The following OPRM1 variants were observed in gnomAD, a reference collection of about 807,000 sequenced individuals.
OPRM1 encodes the protein opioid receptor mu 1.
OPRM1 carries 27 observed loss-of-function variants against 31.8 expected under a neutral mutation model. That is an observed-to-expected ratio of 0.85 (90% CI 0.63 to 1.17). The LOEUF is 1.17. OPRM1 is among the 50% of genes most tolerant of loss of function. The pLI is 0.00. For synonymous variants in OPRM1, 196 were observed against 189.9 expected (o/e 1.03, Z -0.26); for missense variants, 536 against 511.1 (o/e 1.05, Z -0.47).
At chr6:154,091,689 G>A (rs1462568596) in intron 3 of OPRM1, 2 of 1,310,536 alleles carry the variant, frequency 1.5e-6, no homozygotes, top group African/African-American at 1.5e-5. Flanking sequence ...ATACACCAAT[G>A]AGAAATCCAT....
intron 1 of OPRM1, among the ~76,000 whole-genome samples, chr6:154,076,304 A>C (rs1787876358): frequency 6.6e-6 from 1 of 152,236 alleles, no homozygotes; most frequent in Admixed American, 6.5e-5. Context: ...AAACACTATG[A>C]ATAAAGTTAA....
At chr6:154,088,012 T>A (rs548921193) in intron 1 of OPRM1, among the ~76,000 whole-genome samples, 3 of 152,052 alleles carry the variant, frequency 2.0e-5, no homozygotes, top group Admixed American at 6.6e-5. Flanking sequence ...GACTTGCACA[T>A]GAATGTTCGT....
upstream of OPRM1, among the ~76,000 whole-genome samples, chr6:154,038,867 T>C (rs1420180263): frequency 6.6e-6 from 1 of 152,142 alleles, no homozygotes; most frequent in Non-Finnish European, 1.5e-5. Flanking sequence ...GGGAAGAAAA[T>C]TGGAGAAACA....
At chr6:154,134,975 C>G (rs570127966), downstream of OPRM1, among the ~76,000 whole-genome samples, 1 of 152,108 alleles carries the variant, frequency 6.6e-6, no homozygotes, top group Non-Finnish European at 1.5e-5. Context: ...TCATACCCAC[C>G]CATCATCTAT....
chr6:154,165,642 G>A (rs189073921), intron 3 of OPRM1, among the ~76,000 whole-genome samples: 1 of 152,240 alleles, frequency 6.6e-6, no homozygotes, highest in Non-Finnish European at 1.5e-5. Context: ...AGGCAGCCCT[G>A]AGCGGGCCCC....
chr6:154,095,717 C>A (rs776708147), intron 3 of OPRM1, among the ~76,000 whole-genome samples: 1 of 152,058 alleles, frequency 6.6e-6, no homozygotes, highest in Non-Finnish European at 1.5e-5. Context: ...TTTGTGCATG[C>A]CTGGGCTCAG....
intron 1 of OPRM1, among the ~76,000 whole-genome samples, chr6:154,061,808 CT>C (rs1020782645): frequency 2.7e-5 from 4 of 148,904 alleles, no homozygotes; most frequent in African/African-American, 1.0e-4. Flanking sequence ...CATGTACTCC[CT>C]AAAAAAAAAT....
At chr6:154,163,886 T>A (rs933555355) in intron 3 of OPRM1, among the ~76,000 whole-genome samples, 1 of 152,194 alleles carries the variant, frequency 6.6e-6, no homozygotes, top group Non-Finnish European at 1.5e-5. Flanking sequence ...TGGATAAAGA[T>A]AGGAATCCTT....
At position 154,067,903 on chromosome 6, in the gene OPRM1, T is replaced by G. The variant is rs952224102; in HGVS notation, c.291-21923T>G. Among the ~76,000 whole-genome samples the G allele has an allele frequency of 2.6e-5, 4 of 152,154 alleles. No homozygotes were observed. The East Asian group carries it at 5.8e-4, about 22-fold the overall frequency. On this transcript the variant is annotated intron_variant, in intron 1 of 3. Transcript: ENST00000330432. ...GCCTTTCTTTGTCACTTGTAAACTT[T>G]TTTTATTTACAAAAAGTTAAATTAC...
intron 3 of OPRM1, chr6:154,167,870 T>C: frequency 1.4e-6 from 2 of 1,385,066 alleles, no homozygotes; most frequent in Non-Finnish European, 2.0e-6. Flanking sequence ...GAACCAGCCG[T>C]TCCTTGCCCC....
chr6:154,032,554 G>GCCTA (rs1403139812), intron 1 of OPRM1, among the ~76,000 whole-genome samples: 3 of 152,164 alleles, frequency 2.0e-5, no homozygotes, highest in Admixed American at 6.5e-5. Context: ...TCCCACCTCA[G>GCCTA]CCTACCGAGT....
chr6:154,243,154 C>G (rs1412279314), intron 3 of OPRM1, among the ~76,000 whole-genome samples: 2 of 152,186 alleles, frequency 1.3e-5, no homozygotes, highest in Non-Finnish European at 2.9e-5. Context: ...CCATCTTTAA[C>G]TGGGTAGGGC....
At chr6:154,069,886 C>T (rs1420385703) in intron 1 of OPRM1, among the ~76,000 whole-genome samples, 1 of 152,088 alleles carries the variant, frequency 6.6e-6, no homozygotes, top group Non-Finnish European at 1.5e-5. Context: ...TCTGATTTTC[C>T]TTGTATATGC....
In OPRM1 at chr6:154,039,323, A is replaced by T; in HGVS notation, c.-222A>T. ...CGGGGCAGGTGATGAGCCTCTGTGA[A>T]CTACTAAGGTGGGAGGGGGCTATAC... On this transcript the variant is annotated 5_prime_UTR_variant, in exon 1 of 4. Transcript: ENST00000330432. The T allele has an allele frequency of 6.5e-7, 1 of 1,550,224 alleles. No homozygotes were observed. Among genetic ancestry groups the T allele is most frequent in the Non-Finnish European group, 8.7e-7 (1 of 1,146,258 alleles).
chr6:154,086,833 G>T (rs573267895), intron 1 of OPRM1: 24 of 985,082 alleles, frequency 2.4e-5, no homozygotes, highest in Non-Finnish European at 2.9e-5. Context: ...TATAACCAAC[G>T]GTGAATCTAG....
upstream of OPRM1, among the ~76,000 whole-genome samples, chr6:154,035,691 G>A (rs1043387186): frequency 6.6e-6 from 1 of 152,120 alleles, no homozygotes; most frequent in Non-Finnish European, 1.5e-5. Flanking sequence ...TAAGCCAATA[G>A]ATGTTGAAAT....
intron 1 of OPRM1, among the ~76,000 whole-genome samples, chr6:154,023,967 T>G (rs1025663508): frequency 6.6e-6 from 1 of 152,118 alleles, no homozygotes; most frequent in Non-Finnish European, 1.5e-5. Context: ...GATTTTTGCA[T>G]CAGTGTTCAT....
rs1041551097 is a variant in OPRM1, at chr6:154,099,375, GAGAA to G, written c.1164+7911_1164+7914del. Among the ~76,000 whole-genome samples the G allele has an allele frequency of 8.4e-5, 12 of 143,682 alleles. No individual in the cohort carries two copies. The South Asian group carries it at 1.2e-3, about 14-fold the overall frequency. The allele number at this position is 143,682 out of a possible 152,430, so 94.3% of individuals were successfully genotyped here. A position where few individuals can be genotyped will look rare whatever the true frequency, so the allele number is the denominator to read the frequency against. ...AGAGAGAGAGAGAGAGAGAAAGAAA[GAGAA>G]AGAAAGAGAAAGAAAGAAAGTAAAG... On this transcript the variant is annotated intron_variant, in intron 3 of 3. Coordinates refer to ENST00000330432, the MANE Select transcript of OPRM1 (RefSeq NM_000914.5).
At chr6:154,171,838 T>A (rs569918480) in intron 3 of OPRM1, among the ~76,000 whole-genome samples, 2 of 152,288 alleles carry the variant, frequency 1.3e-5, no homozygotes, top group African/African-American at 4.8e-5. Context: ...GACACAGTAA[T>A]TTTACATGTC....
Sources: gnomAD v4.1 joint callset for allele counts (sites outside exome capture counted in the v4.1 genomes callset) on GRCh38, gnomAD v4.1.1 for gene constraint, MANE v1.5 for transcripts, NCBI Gene and HGNC (gene_info 2026-07-23, HGNC 2026-07-21) for gene names.